LRP1B: variants seen among roughly 807,000 people sequenced by gnomAD.
LRP1B encodes the protein LDL receptor related protein 1B.
Under a neutral mutation model 556.6 loss-of-function variants are expected in LRP1B, and 217 were observed. The ratio of observed to expected loss-of-function variants is 0.39; its 90% confidence interval spans 0.35 to 0.44. The LOEUF is 0.44. LRP1B is among the 20% of genes least tolerant of loss of function. The pLI is 1.00. For missense variants in LRP1B, 5,053 were observed against 5,620.8 expected, an observed-to-expected ratio of 0.90 and a Z score of 3.23; for synonymous variants, 2,047 against 1,865.8, an observed-to-expected ratio of 1.10 and a Z score of -2.50.
chr2:140,861,876 TC>T (rs1052136514), intron 27 of LRP1B, among the ~76,000 whole-genome samples: 4 of 152,234 alleles, frequency 2.6e-5, no homozygotes, highest in African/African-American at 9.6e-5. Flanking sequence ...TTGAAACTGT[TC>T]CTTTTGTGTG....
At chr2:141,960,575 A>G (rs1234400052) in intron 1 of LRP1B, among the ~76,000 whole-genome samples, 2 of 151,842 alleles carry the variant, frequency 1.3e-5, no homozygotes, top group Admixed American at 6.6e-5. Context: ...TAAACTACCC[A>G]TTATTTGCAT....
intron 2 of LRP1B, among the ~76,000 whole-genome samples, chr2:141,631,538 C>CA (rs71391663): frequency 0.022 from 1,992 of 91,466 alleles, 13 homozygotes; most frequent in African/African-American, 0.053. Flanking sequence ...ACCAGTTTTC[C>CA]AAAAAAAAAA....
At chr2:141,258,158 C>A (rs984980695) in intron 3 of LRP1B, among the ~76,000 whole-genome samples, 3 of 152,170 alleles carry the variant, frequency 2.0e-5, no homozygotes, top group African/African-American at 7.2e-5. Context: ...ATATTCCTCA[C>A]CATTATAAAA....
intron 3 of LRP1B, among the ~76,000 whole-genome samples, chr2:141,389,422 A>G (rs183475729): frequency 1.4e-4 from 21 of 152,296 alleles, no homozygotes; most frequent in Non-Finnish European, 2.4e-4. Flanking sequence ...TCCACATGCA[A>G]AAGAATGAAG....
At chr2:141,894,221 T>C (rs527817260) in intron 1 of LRP1B, among the ~76,000 whole-genome samples, 53 of 152,276 alleles carry the variant, frequency 3.5e-4, no homozygotes, top group African/African-American at 1.2e-3. Flanking sequence ...TAACAGATAT[T>C]AGGATTTATG....
intron 4 of LRP1B, among the ~76,000 whole-genome samples, 167 bp from the exon 5 acceptor site, chr2:141,247,521 C>T (rs1353629253): frequency 6.6e-6 from 1 of 152,048 alleles, no homozygotes; most frequent in Non-Finnish European, 1.5e-5. Flanking sequence ...ATTATTGCTG[C>T]CTTAATATTT....
intron 6 of LRP1B, among the ~76,000 whole-genome samples, chr2:141,191,980 T>A (rs1032310085): frequency 6.6e-6 from 1 of 151,918 alleles, no homozygotes; most frequent in Non-Finnish European, 1.5e-5. Flanking sequence ...TTCTCTCAAC[T>A]CTTTATCATT....
At chr2:141,466,526 A>G (rs953756902) in intron 3 of LRP1B, among the ~76,000 whole-genome samples, 7 of 152,328 alleles carry the variant, frequency 4.6e-5, no homozygotes, top group African/African-American at 1.2e-4. Flanking sequence ...GCTGTGTGTT[A>G]GTTAAAATCC....
chr2:140,760,620 T>TCACACCTG lies in LRP1B; in HGVS notation c.5758+8592_5758+8593insCAGGTGTG, dbSNP rs1553525329. ...ACCCATCCTGGCTGGGCGCAGTGGC[T>TCACACCTG]CACGCCTGTAATTCCAACACTTTGG... On this transcript the variant is annotated intron_variant, in intron 35 of 90. Coordinates refer to ENST00000389484, the MANE Select transcript of LRP1B (RefSeq NM_018557.3). Among the ~76,000 whole-genome samples, 3 of 152,342 alleles carry TCACACCTG rather than the reference T, an allele frequency of 2.0e-5. No homozygotes were observed. In the East Asian group the frequency reaches 5.8e-4, roughly 29 times the overall value.
At chr2:142,084,736 C>T (rs1705845880) in intron 1 of LRP1B, among the ~76,000 whole-genome samples, 1 of 152,158 alleles carries the variant, frequency 6.6e-6, no homozygotes, top group African/African-American at 2.4e-5. Context: ...TTGGTCCCTT[C>T]GCCAATTTTG....
chr2:140,386,336 G>A (rs934799390), intron 66 of LRP1B, among the ~76,000 whole-genome samples: 1 of 152,156 alleles, frequency 6.6e-6, no homozygotes, highest in Non-Finnish European at 1.5e-5. Flanking sequence ...CACTTCGGGA[G>A]GTTGTCCTTT....
chr2:140,897,071 T>C (rs961346574), intron 23 of LRP1B, among the ~76,000 whole-genome samples: 42 of 152,206 alleles, frequency 2.8e-4, no homozygotes, highest in Admixed American at 1.2e-3. Flanking sequence ...CAGGAAGAGA[T>C]TAATTACCAG....
At chr2:141,193,694 A>G (rs1681619861) in intron 6 of LRP1B, among the ~76,000 whole-genome samples, 3 of 151,838 alleles carry the variant, frequency 2.0e-5, no homozygotes, top group Non-Finnish European at 2.9e-5. Flanking sequence ...TACCTATGTA[A>G]CAAACCTGCC....
chr2:141,270,046 A>G (rs919302899), intron 3 of LRP1B, among the ~76,000 whole-genome samples: 1 of 152,106 alleles, frequency 6.6e-6, no homozygotes, highest in East Asian at 1.9e-4. Context: ...CAAATCATAC[A>G]CAATAAGGAA....
intron 41 of LRP1B, among the ~76,000 whole-genome samples, chr2:140,618,669 G>C (rs944300834): frequency 2.0e-5 from 3 of 152,042 alleles, no homozygotes; most frequent in Non-Finnish European, 4.4e-5. Context: ...GGACATACAA[G>C]CAGTTTATTT....
intron 60 of LRP1B, among the ~76,000 whole-genome samples, chr2:140,458,028 A>G (rs973679429): frequency 6.6e-6 from 1 of 152,158 alleles, no homozygotes; most frequent in Non-Finnish European, 1.5e-5. Flanking sequence ...ATATACATAT[A>G]TATCTCCTTC....
intron 1 of LRP1B, among the ~76,000 whole-genome samples, chr2:142,057,631 C>A (rs1182439087): frequency 1.3e-5 from 2 of 151,968 alleles, no homozygotes; most frequent in Non-Finnish European, 2.9e-5. Context: ...TATTTTTTTC[C>A]AATGCTTTTC....
At chr2:141,342,640 T>C (rs1688109653) in intron 3 of LRP1B, among the ~76,000 whole-genome samples, 1 of 151,740 alleles carries the variant, frequency 6.6e-6, no homozygotes. Flanking sequence ...AAGAACAACT[T>C]AATGAAATAA....
At chr2:142,069,570 T>C (rs72849843) in intron 1 of LRP1B, among the ~76,000 whole-genome samples, 10,439 of 151,736 alleles carry the variant, frequency 0.069, 480 homozygotes, top group Non-Finnish European at 0.094. Flanking sequence ...AAGGATTGAC[T>C]GTGGCTTGTC....
Sources: allele counts gnomAD v4.1 joint callset (sites outside exome capture counted in the v4.1 genomes callset), GRCh38; gene constraint gnomAD v4.1.1; transcripts MANE v1.5; gene names NCBI Gene and HGNC (gene_info 2026-07-23, HGNC 2026-07-21).